PCDHGB4: variants seen among roughly 807,000 people sequenced by gnomAD.
PCDHGB4 encodes protocadherin gamma subfamily B, 4.
PCDHGB4 carries 38 observed loss-of-function variants against 60.5 expected under a neutral mutation model. That is an observed-to-expected ratio of 0.63 (90% CI 0.48 to 0.82). The LOEUF (loss-of-function observed/expected upper bound fraction) is 0.82. PCDHGB4 is among the 40% of genes least tolerant of loss of function. PCDHGB4 has a pLI of 0.00. For synonymous variants in PCDHGB4, 456 were observed against 509.7 expected (o/e 0.89, Z 1.42); for missense variants, 1,109 against 1,209.6 (o/e 0.92, Z 1.23).
chr5:141,395,086 C>A, intron 1 of PCDHGB4: 1 of 1,614,166 alleles, frequency 6.2e-7, no homozygotes, highest in Non-Finnish European at 8.5e-7. Context: ...CAGGAAGTCT[C>A]CCTCACCGCC....
intron 1 of PCDHGB4, among the ~76,000 whole-genome samples, chr5:141,438,606 A>G: frequency 3.6e-5 from 1 of 27,780 alleles, no homozygotes; most frequent in African/African-American, 2.7e-4. Flanking sequence ...ATATATATAT[A>G]TATATATATA....
intron 1 of PCDHGB4, chr5:141,413,694 C>T: frequency 6.2e-7 from 1 of 1,613,800 alleles, no homozygotes; most frequent in Non-Finnish European, 8.5e-7. Context: ...CCCTGCAGAG[C>T]TATCAGCTCA....
intron 1 of PCDHGB4, among the ~76,000 whole-genome samples, chr5:141,467,211 C>G (rs1288732759): frequency 6.6e-6 from 1 of 152,068 alleles, no homozygotes; most frequent in Non-Finnish European, 1.5e-5. Context: ...TGCCACCATG[C>G]CTGGCTAATT....
rs139344941 is a variant in PCDHGB4, at chr5:141,480,950, C to T, written c.2398-13857C>T. Among the ~76,000 whole-genome samples the T allele has an allele frequency of 6.7e-3, 1,016 of 152,086 alleles. 11 individuals carry two copies. Among genetic ancestry groups the T allele is most frequent in the African/African-American group, 0.023 (953 of 41,456 alleles). On this transcript the variant is annotated intron_variant, in intron 1 of 3. Transcript: ENST00000519479. ...GTCCCAGCTACTCTAGAGGCTGAGG[C>T]GGAAGCATCAGTGAGGGAGAATCAG...
chr5:141,501,300 C>T (rs867143352), intron 2 of PCDHGB4, among the ~76,000 whole-genome samples: 2,626 of 150,646 alleles, frequency 0.017, 74 homozygotes, highest in African/African-American at 0.06. Context: ...TACACACACA[C>T]ACACACACAC....
intron 1 of PCDHGB4, chr5:141,413,907 G>C (rs745956130): frequency 6.2e-7 from 1 of 1,613,270 alleles, no homozygotes; most frequent in Non-Finnish European, 8.5e-7. Context: ...ACAACGCGCC[G>C]GTCTTCACCT....
intron 1 of PCDHGB4, chr5:141,420,568 T>C (rs2096507107): frequency 8.5e-6 from 2 of 235,080 alleles, no homozygotes; most frequent in African/African-American, 2.3e-5. Flanking sequence ...CGGCATGGTA[T>C]TTTAATTGAA....
chr5:141,436,635 A>G (rs953396225), intron 1 of PCDHGB4, among the ~76,000 whole-genome samples: 8 of 152,184 alleles, frequency 5.3e-5, no homozygotes, highest in African/African-American at 1.9e-4. Context: ...ACAACATGCA[A>G]TTAATTAACA....
intron 1 of PCDHGB4, among the ~76,000 whole-genome samples, chr5:141,462,337 T>C (rs1053544147): frequency 6.6e-6 from 1 of 152,260 alleles, no homozygotes; most frequent in Non-Finnish European, 1.5e-5. Context: ...TTAATTGTAT[T>C]GTGATCCAAA....
rs746271589 is a variant in PCDHGB4, at chr5:141,387,848, C to A, written c.-37C>A. ...ACAGAGGTTATTTGTAACCCGGCGT[C>A]TCCAGGCTGGTGAGCAAGCTGAGGA... On this transcript the variant is annotated 5_prime_UTR_variant, in exon 1 of 4. Transcript: ENST00000519479. 1.1e-5 allele frequency: 18 copies of A among 1,597,460 alleles called. No homozygotes were observed. Among genetic ancestry groups the A allele is most frequent in the Non-Finnish European group, 1.5e-5 (18 of 1,172,168 alleles).
chr5:141,490,623 T>C lies in PCDHGB4; in HGVS notation c.2398-4184T>C. The C allele has an allele frequency of 3.1e-6, 5 of 1,614,174 alleles. No individual in the cohort carries two copies. The highest frequency in any genetic ancestry group is 4.2e-6 in the Non-Finnish European group (5 of 1,180,020). ...GCTTCAACCAGCAGCTTTACACTGC[T>C]TACATCCTAGAAAACCGGCCTCCGG... On this transcript the variant is annotated intron_variant, in intron 1 of 3. Coordinates refer to ENST00000519479, the MANE Select transcript of PCDHGB4 (RefSeq NM_003736.4). This position sits in a 1 kb window ranked among gnomAD's most constrained non-coding sequence, Gnocchi z 5.4.
chr5:141,464,419 A>C (rs2099083824), intron 1 of PCDHGB4, among the ~76,000 whole-genome samples: 1 of 151,658 alleles, frequency 6.6e-6, no homozygotes, highest in Non-Finnish European at 1.5e-5. Flanking sequence ...ATATATCTAT[A>C]TATATAGATA....
At chr5:141,504,995 G>A (rs1214858212) in intron 2 of PCDHGB4, among the ~76,000 whole-genome samples, 6 of 151,980 alleles carry the variant, frequency 3.9e-5, no homozygotes, top group African/African-American at 1.5e-4. Context: ...AACCCCGTCT[G>A]TACTAAAAAT....
intron 1 of PCDHGB4, chr5:141,413,353 C>A (rs2095629361): frequency 6.2e-7 from 1 of 1,613,962 alleles, no homozygotes; most frequent in East Asian, 2.2e-5. Context: ...GGGTCTGGCG[C>A]CCCGGGAGCT....
At chr5:141,395,542 TTGTGTGTGTGTGTGTGTGTGTG>T (rs55729045) in intron 1 of PCDHGB4, 19 of 172,620 alleles carry the variant, frequency 1.1e-4, no homozygotes, top group Admixed American at 1.0e-3. Context: ...TTGCTATTGT[TTGTGTGTGTGTGTGTGTGTGTG>T]TGTGTGTGTG....
Position 141,477,856 on chromosome 5 carries a change from G to T in PCDHGB4, c.2398-16951G>T, listed in dbSNP as rs773703641. ...CAGGTGGGAGCTCGGTGGAGATGCTGCCTCGAGGTACCTCAGCTGGCCACC... is the reference window on the plus strand; with the variant it reads ...CAGGTGGGAGCTCGGTGGAGATGCTTCCTCGAGGTACCTCAGCTGGCCACC... On this transcript the variant is annotated intron_variant, in intron 1 of 3. Coordinates refer to ENST00000519479, the MANE Select transcript of PCDHGB4 (RefSeq NM_003736.4). This position sits in a 1 kb window ranked among gnomAD's most constrained non-coding sequence, Gnocchi z 4.9. 1 of 1,613,474 alleles carries T rather than the reference G, an allele frequency of 6.2e-7. No homozygotes were observed. Among genetic ancestry groups the T allele is most frequent in the Non-Finnish European group, 8.5e-7 (1 of 1,179,854 alleles).
chr5:141,398,932 C>T (rs554339110), intron 1 of PCDHGB4: 1 of 1,613,900 alleles, frequency 6.2e-7, no homozygotes, highest in Non-Finnish European at 8.5e-7. Context: ...AGCCACTGAC[C>T]AAGACGAGGG....
intron 1 of PCDHGB4, among the ~76,000 whole-genome samples, chr5:141,466,554 G>A (rs2099125028): frequency 6.6e-6 from 1 of 152,068 alleles, no homozygotes. Flanking sequence ...TTTGCTGTGG[G>A]CTTCATCTTC....
At chr5:141,474,998 T>C (rs1029967243) in intron 1 of PCDHGB4, among the ~76,000 whole-genome samples, 1 of 152,260 alleles carries the variant, frequency 6.6e-6, no homozygotes, top group Non-Finnish European at 1.5e-5. Context: ...CAATTCTAAA[T>C]GCAGAAAAGT....
Sources: allele counts gnomAD v4.1 joint callset (sites outside exome capture counted in the v4.1 genomes callset), GRCh38; gene constraint gnomAD v4.1.1; non-coding constraint Gnocchi (gnomAD v3.1); transcripts MANE v1.5; gene names NCBI Gene and HGNC (gene_info 2026-07-23, HGNC 2026-07-21).